Variants in EEPD1 observed in about 807,000 individuals in gnomAD.
EEPD1 encodes endonuclease/exonuclease/phosphatase family domain-containing protein 1.
Under a neutral mutation model 46.3 loss-of-function variants are expected in EEPD1, and 17 were observed. That is an observed-to-expected ratio of 0.37 (90% CI 0.25 to 0.55). EEPD1 has a LOEUF of 0.55. Among genes scored for constraint, EEPD1 ranks in the 20% least tolerant of loss-of-function variants. The pLI is 0.83. For synonymous variants in EEPD1, 313 were observed against 315.6 expected (o/e 0.99, Z 0.09); for missense variants, 673 against 745.6 (o/e 0.90, Z 1.13).
chr7:36,155,109 G>T lies in EEPD1; in HGVS notation c.785G>T (p.Arg262Met). 6.4e-7 allele frequency: 1 copy of T among 1,565,598 alleles called. No individual in the cohort carries two copies. The highest frequency in any genetic ancestry group is 1.9e-5 in the Admixed American group (1 of 52,914). The change falls in exon 2 of 8, where the codon AGG (arginine) becomes ATG (methionine). Residue 262 changes from arginine to methionine, a missense_variant. Arg to Met is a moderately conservative substitution (Grantham distance 91). Coordinates refer to ENST00000242108, the MANE Select transcript of EEPD1 (RefSeq NM_030636.3). Reference sequence around the variant, plus strand: ...ACAAGGGATGGGAGGCCTGTGCTGAGGCTGGCCACCTGGAACTTGCAGGGC... The same window carrying T: ...ACAAGGGATGGGAGGCCTGTGCTGATGCTGGCCACCTGGAACTTGCAGGGC... ...GGTRDGRPVL[R>M]LATWNLQGCS...
chr7:36,216,280 G>A (rs561282153), intron 2 of EEPD1, among the ~76,000 whole-genome samples: 1 of 152,302 alleles, frequency 6.6e-6, no homozygotes, highest in South Asian at 2.1e-4. Context: ...ACTCACAGTG[G>A]TGGAGACAGT....
chr7:36,252,347 C>G (rs1786761764), intron 3 of EEPD1, among the ~76,000 whole-genome samples: 1 of 152,226 alleles, frequency 6.6e-6, no homozygotes, highest in East Asian at 1.9e-4. Flanking sequence ...TGCCCCGCCC[C>G]CCTCCATGTT....
At chr7:36,258,821 C>G (rs196560) in intron 3 of EEPD1, among the ~76,000 whole-genome samples, 107,188 of 150,216 alleles carry the variant, frequency 0.71, 38,512 homozygotes, top group Non-Finnish European at 0.76. Flanking sequence ...CTTATTTCCA[C>G]GGGAGTGAAC....
At chr7:36,237,844 G>C (rs564329104) in intron 2 of EEPD1, among the ~76,000 whole-genome samples, 2 of 152,192 alleles carry the variant, frequency 1.3e-5, no homozygotes, top group East Asian at 3.9e-4. Flanking sequence ...CCAGATACTC[G>C]GGAGGCTGAG....
intron 3 of EEPD1, among the ~76,000 whole-genome samples, chr7:36,269,286 G>A (rs908116985): frequency 6.6e-6 from 1 of 152,112 alleles, no homozygotes; most frequent in African/African-American, 2.4e-5. Context: ...ATTAAGGTGA[G>A]GACTATTTGT....
At chr7:36,234,762 G>A (rs1050711456) in intron 2 of EEPD1, among the ~76,000 whole-genome samples, 6 of 152,096 alleles carry the variant, frequency 3.9e-5, no homozygotes, top group Non-Finnish European at 5.9e-5. Flanking sequence ...GAACCTGTGC[G>A]GGTTGCTGGA....
At chr7:36,282,204 C>T (rs979531079) in intron 4 of EEPD1, among the ~76,000 whole-genome samples, 3 of 152,160 alleles carry the variant, frequency 2.0e-5, no homozygotes, top group East Asian at 3.8e-4. Flanking sequence ...TTCCAGTCCA[C>T]GTGGAAATAA....
chr7:36,270,357 G>A (rs989908031), intron 3 of EEPD1, among the ~76,000 whole-genome samples: 7 of 151,858 alleles, frequency 4.6e-5, no homozygotes, highest in Admixed American at 2.6e-4. Flanking sequence ...TGTGCAGAAC[G>A]TGCAGGTTTG....
intron 3 of EEPD1, among the ~76,000 whole-genome samples, chr7:36,255,561 G>T (rs1043326220): frequency 6.6e-6 from 1 of 152,178 alleles, no homozygotes; most frequent in Non-Finnish European, 1.5e-5. Flanking sequence ...TCTTGGGAGA[G>T]TGTATGTGTC....
chr7:36,249,912 C>G (rs1198926414), intron 3 of EEPD1, among the ~76,000 whole-genome samples: 1 of 152,268 alleles, frequency 6.6e-6, no homozygotes, highest in East Asian at 1.9e-4. Flanking sequence ...ACCTAATGTT[C>G]TTATGATATC....
At chr7:36,156,491 G>A (rs1784827051) in intron 2 of EEPD1, among the ~76,000 whole-genome samples, 1 of 152,166 alleles carries the variant, frequency 6.6e-6, no homozygotes, top group Admixed American at 6.5e-5. Flanking sequence ...TATAAAGAAT[G>A]GCTTGATAAT....
At chr7:36,242,279 C>T (rs1375163437) in intron 3 of EEPD1, among the ~76,000 whole-genome samples, 1 of 152,146 alleles carries the variant, frequency 6.6e-6, no homozygotes, top group African/African-American at 2.4e-5. Flanking sequence ...ATGTTCTTTC[C>T]TATTCCTCTT....
chr7:36,279,992 G>A (rs756717227), intron 3 of EEPD1, among the ~76,000 whole-genome samples: 1 of 152,214 alleles, frequency 6.6e-6, no homozygotes, highest in Non-Finnish European at 1.5e-5. Flanking sequence ...CTGGAGAACA[G>A]AAAGGAAGCA....
intron 2 of EEPD1, among the ~76,000 whole-genome samples, chr7:36,166,064 C>T (rs115826566): frequency 0.013 from 2,020 of 152,308 alleles, 45 homozygotes; most frequent in African/African-American, 0.047. Context: ...AAGTTCATGA[C>T]TCCACACTGT....
chr7:36,242,399 G>C (rs561835198), intron 3 of EEPD1, among the ~76,000 whole-genome samples: 1 of 152,090 alleles, frequency 6.6e-6, no homozygotes, highest in Non-Finnish European at 1.5e-5. Flanking sequence ...ATGTGTACAG[G>C]GGCCAGCAGG....
rs56236165 is a variant in EEPD1 at position 36,165,411 on chromosome 7, C to CTTTTTTTTTTT, written c.878+10227_878+10237dup. On this transcript the variant is annotated intron_variant, in intron 2 of 7. Coordinates refer to ENST00000242108, the MANE Select transcript of EEPD1 (RefSeq NM_030636.3). ...ATGAAATCGCCTAATGATCCATTTCCTTTTTTTTTTTTTTTTTTTTTTTTT... is the reference window on the plus strand; with the variant it reads ...ATGAAATCGCCTAATGATCCATTTCCTTTTTTTTTTTTTTTTTTTTTTTTTTTTTTTTTTTT... 5.8e-4 allele frequency among the ~76,000 whole-genome samples: 36 copies of CTTTTTTTTTTT among 62,104 alleles called. 6 individuals are homozygous for CTTTTTTTTTTT. Among genetic ancestry groups the CTTTTTTTTTTT allele is most frequent in the African/African-American group, 2.4e-3 (34 of 14,100 alleles). The allele number at this position is 62,104 out of a possible 152,430, so 40.7% of individuals were successfully genotyped here. A position where few individuals can be genotyped will look rare whatever the true frequency, so the allele number is the denominator to read the frequency against.
At chr7:36,271,043 G>A (rs1234562311) in intron 3 of EEPD1, among the ~76,000 whole-genome samples, 3 of 151,656 alleles carry the variant, frequency 2.0e-5, no homozygotes. Flanking sequence ...CTGGAGTGCA[G>A]TGGCGCAATC....
At chr7:36,234,986 C>A (rs1239365350) in intron 2 of EEPD1, among the ~76,000 whole-genome samples, 54 of 143,158 alleles carry the variant, frequency 3.8e-4, no homozygotes, top group Non-Finnish European at 6.9e-4. Flanking sequence ...AGGCCTCCCC[C>A]ACAGCCTCCA....
rs116657501 is a variant in EEPD1 at position 36,189,430 on chromosome 7, T to C, written c.878+34228T>C. 5.3e-3 allele frequency among the ~76,000 whole-genome samples: 815 copies of C among 152,340 alleles called. 6 individuals are homozygous for C. Among genetic ancestry groups the C allele is most frequent in the African/African-American group, 0.019 (770 of 41,568 alleles). ...AACATTATTATTAAATGAGCAAAAA[T>C]TGTGGTATAACATGTTAAGCTTCTT... On this transcript the variant is annotated intron_variant, in intron 2 of 7. Transcript: ENST00000242108.
Sources: allele counts gnomAD v4.1 joint callset (sites outside exome capture counted in the v4.1 genomes callset), GRCh38; gene constraint gnomAD v4.1.1; transcripts MANE v1.5; gene names NCBI Gene and HGNC (gene_info 2026-07-23, HGNC 2026-07-21).